ZBTB20: variants seen among roughly 807,000 people sequenced by gnomAD.
The protein encoded by ZBTB20 is zinc finger and BTB domain containing 20, also known as zinc finger and BTB domain-containing protein 20.
Under a neutral mutation model 56.9 loss-of-function variants are expected in ZBTB20, and 9 were observed. The observed-to-expected ratio is 0.16, with a 90% CI of 0.10 to 0.28. ZBTB20 has a LOEUF of 0.28. Ranked by LOEUF, ZBTB20 falls within the 10% of genes least tolerant of loss-of-function variation. The pLI is 1.00. For synonymous variants in ZBTB20, 417 were observed against 420.7 expected (o/e 0.99, Z 0.11); for missense variants, 655 against 1,003.0 (o/e 0.65, Z 4.69).
chr3:114,406,223 A>C (rs1031080320), intron 7 of ZBTB20, among the ~76,000 whole-genome samples: 1 of 152,136 alleles, frequency 6.6e-6, no homozygotes, highest in Non-Finnish European at 1.5e-5. Flanking sequence ...TGGCATTGCC[A>C]CTCTATAGTA....
intron 1 of ZBTB20, among the ~76,000 whole-genome samples, chr3:115,135,021 A>C (rs932725822): frequency 6.6e-6 from 1 of 152,244 alleles, no homozygotes; most frequent in African/African-American, 2.4e-5. Flanking sequence ...TTCGGTACTT[A>C]AAATGGATAA....
chr3:114,383,206 A>C (rs548897604), intron 8 of ZBTB20, among the ~76,000 whole-genome samples: 1 of 152,300 alleles, frequency 6.6e-6, no homozygotes, highest in Non-Finnish European at 1.5e-5. Flanking sequence ...CTCATGATTC[A>C]TTTAAATATA....
chr3:114,948,359 C>G (rs2076953838), intron 3 of ZBTB20, among the ~76,000 whole-genome samples: 1 of 145,620 alleles, frequency 6.9e-6, no homozygotes, highest in Non-Finnish European at 1.5e-5. Context: ...AAGCAAAAAC[C>G]AAACCTAGAA....
chr3:115,062,966 G>T (rs945523701), intron 2 of ZBTB20, among the ~76,000 whole-genome samples: 3 of 152,132 alleles, frequency 2.0e-5, no homozygotes, highest in African/African-American at 7.2e-5. Context: ...CAAACCAAAT[G>T]AAAGTTTATC....
chr3:114,653,516 T>C (rs2060235862), intron 6 of ZBTB20, among the ~76,000 whole-genome samples: 1 of 151,984 alleles, frequency 6.6e-6, no homozygotes, highest in African/African-American at 2.4e-5. Flanking sequence ...TTGTTGAAGT[T>C]TGTTTGCTAA....
intron 5 of ZBTB20, among the ~76,000 whole-genome samples, chr3:114,737,306 C>A (rs1387254292): frequency 6.6e-6 from 1 of 151,982 alleles, no homozygotes; most frequent in Admixed American, 6.6e-5. Flanking sequence ...TAACTTTTTG[C>A]CTTTTTTTTC....
chr3:114,868,447 AG>A, intron 4 of ZBTB20, among the ~76,000 whole-genome samples: 1 of 152,196 alleles, frequency 6.6e-6, no homozygotes. Flanking sequence ...TTTTACCCAA[AG>A]CATCAAAACT....
At chr3:114,623,414 T>C (rs2058453336) in intron 6 of ZBTB20, among the ~76,000 whole-genome samples, 1 of 152,202 alleles carries the variant, frequency 6.6e-6, no homozygotes, top group African/African-American at 2.4e-5. Flanking sequence ...GACAGTCATT[T>C]AGTTTTCCTG....
chr3:114,322,429 C>T lies in ZBTB20; in HGVS notation c.*16576G>A, dbSNP rs2078927842. 6.6e-6 allele frequency: 1 copy of T among 152,174 alleles called. No homozygotes were observed. The highest frequency in any genetic ancestry group is 1.5e-5 in the Non-Finnish European group (1 of 68,034). 9.4% of individuals were successfully genotyped at this position (152,174 alleles called of 1,614,324 possible). A position where few individuals can be genotyped will look rare whatever the true frequency, so the allele number is the denominator to read the frequency against. On this transcript the variant is annotated 3_prime_UTR_variant, in exon 12 of 12. Coordinates refer to ENST00000675478, the MANE Select transcript of ZBTB20 (RefSeq NM_001348800.3). ...TAATCCCTTGACCACCAAAGCATAT[C>T]CCTTGAGCCTGTTGTAGTACTTTTT...
intron 1 of ZBTB20, among the ~76,000 whole-genome samples, chr3:115,129,153 G>C (rs1310251115): frequency 1.3e-5 from 2 of 152,222 alleles, no homozygotes; most frequent in Admixed American, 1.3e-4. Flanking sequence ...TCTACTACTG[G>C]AAGAATAGAG....
At chr3:115,104,366 C>G (rs752590257) in intron 1 of ZBTB20, among the ~76,000 whole-genome samples, 14 of 152,170 alleles carry the variant, frequency 9.2e-5, no homozygotes, top group Non-Finnish European at 1.8e-4. Context: ...GAATTGAAAA[C>G]TTATGCCCAC....
intron 10 of ZBTB20, among the ~76,000 whole-genome samples, chr3:114,365,732 A>T: frequency 6.6e-6 from 1 of 152,182 alleles, no homozygotes; most frequent in East Asian, 1.9e-4. Flanking sequence ...CTGTTTGAGC[A>T]TCTTGAAAAT....
At chr3:114,702,496 G>A (rs2063456669) in intron 5 of ZBTB20, among the ~76,000 whole-genome samples, 1 of 151,512 alleles carries the variant, frequency 6.6e-6, no homozygotes, top group Non-Finnish European at 1.5e-5. Context: ...CAAAATTTCT[G>A]GTAATTATTA....
intron 6 of ZBTB20, among the ~76,000 whole-genome samples, chr3:114,590,327 G>A (rs1408776674): frequency 1.3e-5 from 2 of 152,000 alleles, no homozygotes; most frequent in Non-Finnish European, 1.5e-5. Context: ...ATGATGGTGG[G>A]CACCTGTTAT....
At chr3:114,884,537 G>C (rs1189980462) in intron 4 of ZBTB20, among the ~76,000 whole-genome samples, 1 of 152,148 alleles carries the variant, frequency 6.6e-6, no homozygotes, top group South Asian at 2.1e-4. Context: ...TTAAACTAAG[G>C]AAAATTCAAT....
chr3:114,967,001 T>C (rs1445560305), intron 3 of ZBTB20, among the ~76,000 whole-genome samples: 5 of 152,158 alleles, frequency 3.3e-5, no homozygotes, highest in Non-Finnish European at 2.9e-5. Flanking sequence ...CTTTCTGTTA[T>C]GAAACACATC....
chr3:114,787,513 A>G (rs1226532188), intron 5 of ZBTB20, among the ~76,000 whole-genome samples: 1 of 151,484 alleles, frequency 6.6e-6, no homozygotes, highest in Non-Finnish European at 1.5e-5. Flanking sequence ...TTTATATGAC[A>G]ACTCTTGGAA....
intron 1 of ZBTB20, among the ~76,000 whole-genome samples, chr3:115,092,895 T>C (rs1374911004): frequency 6.6e-6 from 1 of 152,174 alleles, no homozygotes; most frequent in African/African-American, 2.4e-5. Context: ...TCAAGCCACA[T>C]AAATGTCCGT....
intron 6 of ZBTB20, among the ~76,000 whole-genome samples, chr3:114,501,084 C>G (rs1307701635): frequency 2.0e-5 from 3 of 152,176 alleles, no homozygotes; most frequent in Non-Finnish European, 4.4e-5. Context: ...GCTAAGAACT[C>G]AGTCCTAAGT....
Sources: gnomAD v4.1 joint callset for allele counts (sites outside exome capture counted in the v4.1 genomes callset) on GRCh38, gnomAD v4.1.1 for gene constraint, MANE v1.5 for transcripts, NCBI Gene and HGNC (gene_info 2026-07-23, HGNC 2026-07-21) for gene names.